OCLN: variants seen among roughly 807,000 people sequenced by gnomAD.
The protein encoded by OCLN is occludin, also known as phosphatase 1, regulatory subunit 115.
In OCLN, 21 loss-of-function variants were observed where a neutral mutation model predicts 47.9. The ratio of observed to expected loss-of-function variants is 0.44; its 90% CI spans 0.31 to 0.63. The LOEUF is 0.63. OCLN is among the 30% of genes least tolerant of loss of function. The pLI, the probability that OCLN is intolerant of heterozygous loss-of-function variation, is 0.08. For missense variants in OCLN, 360 were observed against 571.0 expected, an observed-to-expected ratio of 0.63 and a Z score of 3.77; for synonymous variants, 117 against 198.4, an observed-to-expected ratio of 0.59 and a Z score of 3.45.
At chr5:69,494,007 CCAGT>C (rs1216193788) in intron 1 of OCLN, among the ~76,000 whole-genome samples, 1 of 152,166 alleles carries the variant, frequency 6.6e-6, no homozygotes, top group Non-Finnish European at 1.5e-5. Flanking sequence ...GCTTTCCAGG[CCAGT>C]CAGTGTGTGG....
At chr5:69,508,104 C>T (rs1768658254) in intron 2 of OCLN, among the ~76,000 whole-genome samples, 1 of 152,050 alleles carries the variant, frequency 6.6e-6, no homozygotes, top group Non-Finnish European at 1.5e-5. Flanking sequence ...GGTGTGATCG[C>T]AGCTCACTGC....
intron 4 of OCLN, among the ~76,000 whole-genome samples, chr5:69,523,639 G>A (rs1287687280): frequency 5.3e-5 from 8 of 151,374 alleles, no homozygotes; most frequent in African/African-American, 1.7e-4. Context: ...GGGTTCAAGC[G>A]ATTCTCCTGC....
intron 4 of OCLN, among the ~76,000 whole-genome samples, chr5:69,514,529 CT>C (rs941589132): frequency 2.4e-3 from 339 of 142,878 alleles, no homozygotes; most frequent in Middle Eastern, 3.6e-3. Context: ...GCCTTTTAAA[CT>C]TTTTTTTTTT....
chr5:69,519,649 A>G (rs1769077975), intron 4 of OCLN, among the ~76,000 whole-genome samples: 1 of 152,076 alleles, frequency 6.6e-6, no homozygotes, highest in African/African-American at 2.4e-5. Context: ...CAAATTTCAG[A>G]TCTGATTTTT....
intron 4 of OCLN, among the ~76,000 whole-genome samples, chr5:69,514,700 C>T (rs1261939580): frequency 6.6e-6 from 1 of 152,108 alleles, no homozygotes; most frequent in Non-Finnish European, 1.5e-5. Flanking sequence ...TCCCTGGGTA[C>T]TTGAGATTAG....
intron 3 of OCLN, among the ~76,000 whole-genome samples, chr5:69,513,478 G>A (rs578066218): frequency 2.0e-5 from 3 of 152,336 alleles, no homozygotes; most frequent in African/African-American, 7.2e-5. Flanking sequence ...GGCTTGCCAA[G>A]CATATGTTTT....
At chr5:69,508,852 A>G (rs1291709057) in intron 2 of OCLN, among the ~76,000 whole-genome samples, 1 of 152,240 alleles carries the variant, frequency 6.6e-6, no homozygotes, top group Non-Finnish European at 1.5e-5. Flanking sequence ...TCCTGGTTAT[A>G]TACCCTAGAA....
chr5:69,513,960 G>T lies in OCLN; in HGVS notation c.742G>T (p.Val248Leu), dbSNP rs1768853497. ...CACTCCTTTTTAGGCCATTGCCATT[G>T]TACTGGGGTTCATGATTATTGTGGC... ...VVDPQEAIAI[V>L]LGFMIIVAFA... Residue 248 changes from valine to leucine, a missense_variant, in exon 4 of 9, where the codon GTA (valine) becomes TTA (leucine). Physicochemically the swap from Val to Leu is conservative, Grantham distance 32 (BLOSUM62 1). Around this residue, in one of 3 missense-constraint regions of OCLN, gnomAD observed 314 missense variants for 368.1 expected, o/e 0.85. Transcript: ENST00000396442. 1.2e-6 allele frequency: 2 copies of T among 1,613,752 alleles called. No individual in the cohort carries two copies. Among genetic ancestry groups the T allele is most frequent in the South Asian group, 2.2e-5 (2 of 91,080 alleles).
At chr5:69,498,024 T>C (rs925895071) in intron 1 of OCLN, among the ~76,000 whole-genome samples, 14 of 150,706 alleles carry the variant, frequency 9.3e-5, no homozygotes, top group Non-Finnish European at 1.5e-4. Flanking sequence ...CCCAGCTACT[T>C]GGGAGGCTGA....
rs149492224 is a variant in OCLN at position 69,509,543 on chromosome 5, C to T, written c.453C>T (p.Ala151=). The T allele has an allele frequency of 3.7e-5, 60 of 1,614,130 alleles. No homozygotes were observed. Among genetic ancestry groups the T allele is most frequent in the Middle Eastern group, 1.6e-4 (1 of 6,062 alleles). The stretch of plus-strand genomic sequence containing the variant: ...CCATGGCTGCCTTTTGTTTCATTGC[C>T]GCGTTGGTGATCTTTGTTACCAGTG... ...MLAMAAFCFI[A]ALVIFVTSVI... Residue 151 remains alanine, a synonymous_variant, in exon 3 of 9, where the codon GCC becomes GCT. Coordinates refer to ENST00000396442, the MANE Select transcript of OCLN (RefSeq NM_001205254.2).
At chr5:69,525,756 C>CTAA (rs1012430945) in intron 4 of OCLN, among the ~76,000 whole-genome samples, 5 of 152,150 alleles carry the variant, frequency 3.3e-5, no homozygotes, top group Admixed American at 1.3e-4. Context: ...TCACAAATGA[C>CTAA]TAACCCTTTA....
intron 4 of OCLN, 118 bp downstream of exon 4, chr5:69,514,227 G>T: frequency 5.4e-6 from 5 of 923,610 alleles, no homozygotes; most frequent in Non-Finnish European, 8.5e-6. Context: ...TGCAAAGGTT[G>T]TTGCATTGGT....
At chr5:69,531,826 G>A (rs1769440007) in intron 4 of OCLN, among the ~76,000 whole-genome samples, 1 of 152,218 alleles carries the variant, frequency 6.6e-6, no homozygotes, top group Admixed American at 6.5e-5. Flanking sequence ...TCAGGAGAGT[G>A]CATCTCATGT....
chr5:69,534,760 G>A lies in OCLN; in HGVS notation c.958G>A (p.Asp320Asn). 1 of 1,191,076 alleles carries A rather than the reference G, an allele frequency of 8.4e-7. No homozygotes were observed. 73.8% of individuals were successfully genotyped at this position (1,191,076 alleles called of 1,614,324 possible). The change falls in exon 5 of 9, where the codon GAC becomes AAC. Residue 320 changes from aspartate to asparagine, a missense_variant. This residue lies in a region of OCLN where 21 missense variants were observed against 158.9 expected (regional missense o/e 0.13). Coordinates refer to ENST00000396442, the MANE Select transcript of OCLN (RefSeq NM_001205254.2). ...CCCATCTGACTATGTGGAAAGAGTT[G>A]ACAGTCCCATGGCATACTCTTCCAA... The part of the protein sequence containing the change: ...SPPSDYVERV[D>N]SPMAYSSNGK...
chr5:69,514,165 A>C, intron 4 of OCLN, 56 bp downstream of exon 4: 1 of 1,425,116 alleles, frequency 7.0e-7, no homozygotes, highest in Non-Finnish European at 9.9e-7. Flanking sequence ...TTTGTGTCTG[A>C]ATTTTTAGTG....
chr5:69,550,563 T>C lies in OCLN; in HGVS notation c.1426-981T>C, dbSNP rs1430797970. 7.1e-3 allele frequency among the ~76,000 whole-genome samples: 1,008 copies of C among 141,018 alleles called. 7 individuals carry two copies. The highest frequency in any genetic ancestry group is 0.024 in the African/African-American group (942 of 39,216). The allele number at this position is 141,018 out of a possible 152,430, so 92.5% of individuals were successfully genotyped here. On this transcript the variant is annotated intron_variant, in intron 7 of 8. Transcript: ENST00000396442. ...TCAGAGGGTACGTACCTTTGCAAAG[T>C]TGCAAAATTGCCCTCCAGAGAGACT...
At chr5:69,526,612 T>A (rs1301010686) in intron 4 of OCLN, among the ~76,000 whole-genome samples, 1 of 144,326 alleles carries the variant, frequency 6.9e-6, no homozygotes, top group Non-Finnish European at 1.6e-5. Context: ...TTTGGTGGTG[T>A]CAACCTAAAG....
At chr5:69,496,360 A>G (rs1768290770) in intron 1 of OCLN, among the ~76,000 whole-genome samples, 1 of 152,080 alleles carries the variant, frequency 6.6e-6, no homozygotes, top group African/African-American at 2.4e-5. Flanking sequence ...GGCCCCCCAA[A>G]GTGCTGGGAT....
At chr5:69,526,708 C>T (rs1241518483) in intron 4 of OCLN, among the ~76,000 whole-genome samples, 2 of 152,186 alleles carry the variant, frequency 1.3e-5, no homozygotes, top group Non-Finnish European at 2.9e-5. Flanking sequence ...AGGGTTACAA[C>T]CTGTAAGGTG....
Sources: gnomAD v4.1 joint callset for allele counts (sites outside exome capture counted in the v4.1 genomes callset) on GRCh38, gnomAD v4.1.1 for gene constraint, gnomAD v4.1.1 regional missense constraint, MANE v1.5 for transcripts, NCBI Gene and HGNC (gene_info 2026-07-23, HGNC 2026-07-21) for gene names.